The following TDRD10 variants were observed in gnomAD, a reference collection of about 807,000 sequenced individuals.
TDRD10 encodes tudor domain containing 10, also known as tudor domain-containing protein 10.
Under a neutral mutation model 48.0 loss-of-function variants are expected in TDRD10, and 40 were observed. The ratio of observed to expected loss-of-function variants is 0.83; its 90% CI spans 0.65 to 1.09. TDRD10 has a LOEUF of 1.09. Among genes scored for constraint, TDRD10 ranks in the 50% least tolerant of loss-of-function variants. TDRD10 has a pLI of 0.00. For synonymous variants in TDRD10, 162 were observed against 170.4 expected, an observed-to-expected ratio of 0.95 and a Z score of 0.38; for missense variants, 378 against 434.7, an observed-to-expected ratio of 0.87 and a Z score of 1.16.
chr1:154,531,943 C>T (rs1006704857), intron 6 of TDRD10, among the ~76,000 whole-genome samples: 8 of 152,188 alleles, frequency 5.3e-5, no homozygotes, highest in East Asian at 1.9e-4. Flanking sequence ...AGACACAGAG[C>T]GCTGATTGGT....
In TDRD10 at chr1:154,523,215, G is replaced by C. The variant is rs1004543746; in HGVS notation, c.369+1736G>C. On this transcript the variant is annotated intron_variant, in intron 6 of 12. Coordinates refer to ENST00000368482, the MANE Select transcript of TDRD10 (RefSeq NM_182499.4). ...GCCACTGCACCCCACCTGGATTGTT[G>C]TGTCTTCCTAATGATTTTTTCTTCC... 7.9e-5 allele frequency among the ~76,000 whole-genome samples: 12 copies of C among 152,086 alleles called. 1 individual carries two copies. The highest frequency in any genetic ancestry group is 6.6e-5 in the Admixed American group (1 of 15,266).
intron 6 of TDRD10, among the ~76,000 whole-genome samples, chr1:154,539,844 G>A (rs1278259580): frequency 6.6e-6 from 1 of 152,216 alleles, no homozygotes; most frequent in Non-Finnish European, 1.5e-5. Context: ...ATGTGATGAA[G>A]AGTGAGAGGT....
chr1:154,523,753 C>A (rs377000112), intron 6 of TDRD10, among the ~76,000 whole-genome samples: 1 of 152,160 alleles, frequency 6.6e-6, no homozygotes, highest in Non-Finnish European at 1.5e-5. Flanking sequence ...CCTAGTTGGA[C>A]CCAGCCCTCT....
rs145602136 is a variant in TDRD10 at position 154,516,675 on chromosome 1, G to A, written c.142-3629G>A. ...ACAGCAGGGGCCAGGAGCATTGCAC[G>A]GTAGCTCACGCCTGTCATCCCAGCC... is the stretch of plus-strand genomic sequence containing the variant. On this transcript the variant is annotated intron_variant, in intron 4 of 12. Coordinates refer to ENST00000368482, the MANE Select transcript of TDRD10 (RefSeq NM_182499.4). Among the ~76,000 whole-genome samples, 279 of 152,284 alleles carry A rather than the reference G, an allele frequency of 1.8e-3. 3 individuals carry two copies. Among genetic ancestry groups the A allele is most frequent in the South Asian group, 0.017 (82 of 4,826 alleles).
At chr1:154,543,873 GC>G (rs1329882830) in intron 8 of TDRD10, 89 bp from the exon 9 acceptor site, 1 of 1,558,102 alleles carries the variant, frequency 6.4e-7, no homozygotes, top group African/African-American at 1.4e-5. Flanking sequence ...AGGCAGTTCA[GC>G]CTCCTGCAGG....
At chr1:154,541,941 A>G in intron 6 of TDRD10, 83 bp from the exon 7 acceptor site, 6 of 1,407,666 alleles carry the variant, frequency 4.3e-6, no homozygotes, top group Non-Finnish European at 5.0e-6. Context: ...TCTGTCTCCC[A>G]GTCTACCTGG....
Position 154,511,399 on chromosome 1 carries a change from C to T in TDRD10, c.141+2918C>T, listed in dbSNP as rs529073396. Among the ~76,000 whole-genome samples the T allele has an allele frequency of 1.7e-3, 254 of 149,836 alleles. 1 individual carries two copies. Among genetic ancestry groups the T allele is most frequent in the African/African-American group, 5.1e-3 (209 of 40,860 alleles). On this transcript the variant is annotated intron_variant, in intron 4 of 12. Coordinates refer to ENST00000368482, the MANE Select transcript of TDRD10 (RefSeq NM_182499.4). ...CTGTAATCCCAGCACTTTGGGAGGC[C>T]GAGGTGGCCGGATCACTTGATGTCA...
At chr1:154,519,360 G>A (rs536693191) in intron 4 of TDRD10, among the ~76,000 whole-genome samples, 10 of 152,322 alleles carry the variant, frequency 6.6e-5, no homozygotes, top group Admixed American at 5.9e-4. Flanking sequence ...AAGTGACTTT[G>A]GAAGATGGTA....
chr1:154,504,372 C>T (rs1357538528), intron 1 of TDRD10, among the ~76,000 whole-genome samples: 2 of 152,302 alleles, frequency 1.3e-5, no homozygotes, highest in South Asian at 2.1e-4. Context: ...TTGAATTTCT[C>T]TTGAATAGTT....
chr1:154,519,668 C>G (rs1693953424), intron 4 of TDRD10, among the ~76,000 whole-genome samples: 1 of 152,118 alleles, frequency 6.6e-6, no homozygotes, highest in Admixed American at 6.5e-5. Context: ...ACGGCTCTTT[C>G]TACAAGTTTG....
intron 8 of TDRD10, 95 bp from the exon 9 acceptor site, chr1:154,543,868 G>T (rs1695390907): frequency 1.3e-6 from 2 of 1,551,962 alleles, no homozygotes; most frequent in Non-Finnish European, 1.7e-6. Context: ...CCCCCAGGCA[G>T]TTCAGCCTCC....
chr1:154,513,357 G>A (rs1693584326), intron 4 of TDRD10, among the ~76,000 whole-genome samples: 1 of 152,188 alleles, frequency 6.6e-6, no homozygotes, highest in African/African-American at 2.4e-5. Flanking sequence ...CAATGTAATA[G>A]CATTTTCAGA....
rs527657557 is a variant in TDRD10 at position 154,529,067 on chromosome 1, T to G, written c.369+7588T>G. Among the ~76,000 whole-genome samples, 7 of 152,246 alleles carry G rather than the reference T, an allele frequency of 4.6e-5. No homozygotes were observed. The East Asian group carries it at 1.2e-3, about 25-fold the overall frequency. The stretch of plus-strand genomic sequence containing the variant: ...ACTCTATATACATTTAGATCCAAGT[T>G]GGAAAGAATTATAATGTTGTTTTTT... On this transcript the variant is annotated intron_variant, in intron 6 of 12. Coordinates refer to ENST00000368482, the MANE Select transcript of TDRD10 (RefSeq NM_182499.4).
intron 6 of TDRD10, among the ~76,000 whole-genome samples, chr1:154,534,921 G>A (rs1570962833): frequency 1.3e-5 from 2 of 152,248 alleles, no homozygotes; most frequent in South Asian, 4.2e-4. Flanking sequence ...CAGATACAAA[G>A]CAGCCAATGA....
chr1:154,546,320 C>T (rs967125258), intron 11 of TDRD10, among the ~76,000 whole-genome samples: 3 of 150,220 alleles, frequency 2.0e-5, no homozygotes, highest in Non-Finnish European at 4.4e-5. Flanking sequence ...GATCTGCCCT[C>T]CTCGGCCTCC....
At chr1:154,547,638 G>T (rs750184686) in intron 12 of TDRD10, 40 bp from the exon 13 acceptor site, 1 of 1,614,184 alleles carries the variant, frequency 6.2e-7, no homozygotes, top group South Asian at 1.1e-5. Flanking sequence ...TGGCTCGGGT[G>T]GGCCTTCCTT....
chr1:154,510,326 T>C (rs945057043), intron 4 of TDRD10, among the ~76,000 whole-genome samples: 2 of 151,938 alleles, frequency 1.3e-5, no homozygotes, highest in Non-Finnish European at 2.9e-5. Flanking sequence ...GGTGCGGTCG[T>C]TCATGCCTGT....
chr1:154,529,254 T>C (rs1220495018), intron 6 of TDRD10, among the ~76,000 whole-genome samples: 2 of 152,054 alleles, frequency 1.3e-5, no homozygotes, highest in Non-Finnish European at 2.9e-5. Context: ...TACTTTTGTA[T>C]TTTTAGTAGA....
chr1:154,544,552 A>G (rs1695444423), intron 10 of TDRD10, 35 bp downstream of exon 10: 1 of 1,595,482 alleles, frequency 6.3e-7, no homozygotes, highest in Non-Finnish European at 8.6e-7. Flanking sequence ...TCTATGGGAG[A>G]GGCGTGCAGG....
Sources: allele counts gnomAD v4.1 joint callset (sites outside exome capture counted in the v4.1 genomes callset), GRCh38; gene constraint gnomAD v4.1.1; transcripts MANE v1.5; gene names NCBI Gene and HGNC (gene_info 2026-07-23, HGNC 2026-07-21).